Variants in TCF7L1 observed in about 807,000 individuals in gnomAD.
The protein encoded by TCF7L1 is transcription factor 7 like 1, also known as transcription factor 7-like 1.
A neutral mutation model predicts 63.7 loss-of-function variants in TCF7L1; 18 were observed. That is an observed-to-expected ratio of 0.28 (90% CI 0.20 to 0.42). The LOEUF is 0.42. Ranked by LOEUF, TCF7L1 falls within the 10% of genes least tolerant of loss-of-function variation. The pLI is 1.00. For synonymous variants in TCF7L1, 355 were observed against 340.9 expected (o/e 1.04, Z -0.46); for missense variants, 654 against 779.3 (o/e 0.84, Z 1.91).
chr2:85,152,144 T>C (rs1678031700), intron 3 of TCF7L1, among the ~76,000 whole-genome samples: 1 of 152,234 alleles, frequency 6.6e-6, no homozygotes, highest in Non-Finnish European at 1.5e-5. Context: ...TGGATGCTTC[T>C]CTGCTTACTG....
chr2:85,196,270 T>C (rs1035676601), intron 3 of TCF7L1, among the ~76,000 whole-genome samples: 1 of 152,228 alleles, frequency 6.6e-6, no homozygotes, highest in Non-Finnish European at 1.5e-5. Context: ...ATGTCATTCT[T>C]CTTCTCTTAA....
chr2:85,146,166 C>T (rs1303687100), intron 3 of TCF7L1, among the ~76,000 whole-genome samples: 25 of 152,186 alleles, frequency 1.6e-4, no homozygotes, highest in Admixed American at 1.4e-3. Flanking sequence ...CACTATATCA[C>T]GCTGTTCTAA....
chr2:85,236,916 G>A (rs1008929995), intron 3 of TCF7L1, among the ~76,000 whole-genome samples: 4 of 152,152 alleles, frequency 2.6e-5, no homozygotes, highest in East Asian at 3.9e-4. Context: ...CTACCACCAC[G>A]GGGCGAGGGC....
intron 3 of TCF7L1, among the ~76,000 whole-genome samples, chr2:85,256,937 C>T (rs563614814): frequency 2.0e-5 from 3 of 151,874 alleles, no homozygotes; most frequent in South Asian, 2.1e-4. Context: ...GAGCTGAGAT[C>T]GCACCATTGC....
At chr2:85,164,517 AGAG>A (rs1678370368) in intron 3 of TCF7L1, among the ~76,000 whole-genome samples, 1 of 152,084 alleles carries the variant, frequency 6.6e-6, no homozygotes. Context: ...AGGGTTATGG[AGAG>A]GAGGAGGCGT....
chr2:85,227,731 C>T (rs1244542628), intron 3 of TCF7L1, among the ~76,000 whole-genome samples: 13 of 152,044 alleles, frequency 8.6e-5, no homozygotes, highest in Non-Finnish European at 5.9e-5. Context: ...CACAGTGGCT[C>T]ACACCTATAA....
intron 3 of TCF7L1, among the ~76,000 whole-genome samples, chr2:85,243,335 C>G (rs1680383185): frequency 6.6e-6 from 1 of 152,134 alleles, no homozygotes; most frequent in Non-Finnish European, 1.5e-5. Context: ...ATGGGTGAGG[C>G]TGAGTGGAAG....
chr2:85,134,521 C>T lies in TCF7L1; in HGVS notation c.441+71C>T. On this transcript the variant is annotated intron_variant, in intron 3 of 11. Transcript: ENST00000282111. This position sits in a 1 kb window ranked among gnomAD's most constrained non-coding sequence, Gnocchi z 5.0. ...CGCAGGATGCGCCCCCGGGCTTGGC[C>T]ATGGAGTGGGGGATGGGGCCTTCTG... 6.6e-7 allele frequency: 1 copy of T among 1,524,282 alleles called. No homozygotes were observed. The highest frequency in any genetic ancestry group is 1.2e-5 in the South Asian group (1 of 80,138). The allele number at this position is 1,524,282 out of a possible 1,614,324, so 94.4% of individuals were successfully genotyped here. A position where few individuals can be genotyped will look rare whatever the true frequency, so the allele number is the denominator to read the frequency against.
intron 3 of TCF7L1, among the ~76,000 whole-genome samples, chr2:85,177,020 A>G (rs1678691320): frequency 6.6e-6 from 1 of 151,826 alleles, no homozygotes; most frequent in African/African-American, 2.4e-5. Context: ...TCCAACCACA[A>G]AGTGCCAGAG....
At chr2:85,182,269 G>A (rs1045236788) in intron 3 of TCF7L1, among the ~76,000 whole-genome samples, 1 of 152,152 alleles carries the variant, frequency 6.6e-6, no homozygotes, top group Non-Finnish European at 1.5e-5. Flanking sequence ...GCTGGCCTGC[G>A]GGACCTGCAG....
intron 3 of TCF7L1, among the ~76,000 whole-genome samples, chr2:85,195,435 G>A (rs1230737081): frequency 1.3e-5 from 2 of 152,238 alleles, no homozygotes; most frequent in Non-Finnish European, 2.9e-5. Flanking sequence ...GGGTGACAGA[G>A]CGAGGAGACA....
chr2:85,277,030 G>T (rs1400276754), intron 3 of TCF7L1, among the ~76,000 whole-genome samples: 2 of 152,118 alleles, frequency 1.3e-5, no homozygotes, highest in African/African-American at 2.4e-5. Context: ...AGCATGGTGC[G>T]TTCAGAGTGC....
At chr2:85,241,470 T>C (rs1680329482) in intron 3 of TCF7L1, among the ~76,000 whole-genome samples, 1 of 133,600 alleles carries the variant, frequency 7.5e-6, no homozygotes, top group Non-Finnish European at 1.6e-5. Flanking sequence ...TTTTTTGAGA[T>C]GGAGTTTCAC....
At chr2:85,169,547 ATTATC>A (rs1427889999) in intron 3 of TCF7L1, among the ~76,000 whole-genome samples, 2 of 152,024 alleles carry the variant, frequency 1.3e-5, no homozygotes, top group African/African-American at 2.4e-5. Flanking sequence ...TATAGGATGT[ATTATC>A]TTATAACTTC....
intron 3 of TCF7L1, among the ~76,000 whole-genome samples, chr2:85,175,790 G>A (rs1678666407): frequency 6.6e-6 from 1 of 152,236 alleles, no homozygotes; most frequent in Non-Finnish European, 1.5e-5. Context: ...TGTAACATGA[G>A]CCAGGATATG....
At chr2:85,156,905 G>A (rs148420876) in intron 3 of TCF7L1, among the ~76,000 whole-genome samples, 45 of 152,264 alleles carry the variant, frequency 3.0e-4, no homozygotes, top group African/African-American at 8.9e-4. Flanking sequence ...GAAATATTTT[G>A]GTTAGACTTG....
intron 3 of TCF7L1, among the ~76,000 whole-genome samples, chr2:85,220,200 A>C (rs1040450096): frequency 1.3e-5 from 2 of 152,164 alleles, no homozygotes; most frequent in African/African-American, 4.8e-5. Flanking sequence ...CTGGGAGGGC[A>C]GATAAATGAA....
chr2:85,183,071 G>A lies in TCF7L1; in HGVS notation c.441+48621G>A, dbSNP rs187018781. Among the ~76,000 whole-genome samples the A allele has an allele frequency of 2.6e-5, 4 of 152,302 alleles. No individual in the cohort carries two copies. The East Asian group carries it at 7.7e-4, about 29-fold the overall frequency. On this transcript the variant is annotated intron_variant, in intron 3 of 11. Coordinates refer to ENST00000282111, the MANE Select transcript of TCF7L1 (RefSeq NM_031283.3). Reference sequence around the variant, plus strand: ...CACAATGGCCCCACTTCACTCCAAGGAAGCCTGAGAAATGTAGTCCTTTTG... The same window carrying A: ...CACAATGGCCCCACTTCACTCCAAGAAAGCCTGAGAAATGTAGTCCTTTTG...
chr2:85,283,493 A>G lies in TCF7L1; in HGVS notation c.442-2A>G. 1 of 1,614,140 alleles carries G rather than the reference A, an allele frequency of 6.2e-7. No homozygotes were observed. Among genetic ancestry groups the G allele is most frequent in the Non-Finnish European group, 8.5e-7 (1 of 1,180,016 alleles). ...GCTTTTTCTTTTCTGTTCCCTGTGC[A>G]GTACCTGCAGATGAAATGGCCCCTC... On this transcript the variant is annotated splice_acceptor_variant, in intron 3 of 11. Coordinates refer to ENST00000282111, the MANE Select transcript of TCF7L1 (RefSeq NM_031283.3). LOFTEE classifies it high-confidence loss of function.
Sources: gnomAD v4.1 joint callset for allele counts (sites outside exome capture counted in the v4.1 genomes callset) on GRCh38, gnomAD v4.1.1 for gene constraint, Gnocchi (gnomAD v3.1) non-coding constraint, MANE v1.5 for transcripts, NCBI Gene and HGNC (gene_info 2026-07-23, HGNC 2026-07-21) for gene names.